TENM4: variants seen among roughly 807,000 people sequenced by gnomAD.
The protein encoded by TENM4 is teneurin transmembrane protein 4.
TENM4 carries 82 observed loss-of-function variants against 243.3 expected under a neutral mutation model. That is an observed-to-expected ratio of 0.34 (90% CI 0.28 to 0.40). TENM4 has a LOEUF of 0.40. Among genes scored for constraint, TENM4 ranks in the 10% least tolerant of loss-of-function variants. TENM4 has a pLI of 1.00. For synonymous variants in TENM4, 1,412 were observed against 1,456.3 expected (o/e 0.97, Z 0.69); for missense variants, 3,138 against 3,673.3 (o/e 0.85, Z 3.77).
intron 33 of TENM4, among the ~76,000 whole-genome samples, chr11:78,660,766 T>C (rs1188673485): frequency 2.6e-5 from 4 of 152,114 alleles, no homozygotes; most frequent in Admixed American, 2.0e-4. Context: ...ATTGGGGTAG[T>C]AGGGAGGGGA....
chr11:78,876,636 C>T (rs1304081310), intron 9 of TENM4, among the ~76,000 whole-genome samples: 3 of 152,210 alleles, frequency 2.0e-5, no homozygotes, highest in East Asian at 3.8e-4. Flanking sequence ...CAGTAATATA[C>T]CTTTATCATC....
intron 4 of TENM4, among the ~76,000 whole-genome samples, chr11:79,136,621 G>A (rs576646631): frequency 2.6e-5 from 4 of 152,264 alleles, no homozygotes; most frequent in East Asian, 1.9e-4. Context: ...CATGGAAAAG[G>A]CAGAGGTTTG....
At chr11:78,973,723 T>C (rs1276319028) in intron 6 of TENM4, among the ~76,000 whole-genome samples, 1 of 151,764 alleles carries the variant, frequency 6.6e-6, no homozygotes, top group East Asian at 2.0e-4. Context: ...GTATGATAAA[T>C]ATTAGGCTGG....
chr11:79,357,393 G>C (rs541735840), intron 1 of TENM4, among the ~76,000 whole-genome samples: 2 of 152,336 alleles, frequency 1.3e-5, no homozygotes, highest in African/African-American at 4.8e-5. Context: ...AGAGCATTCT[G>C]TTTGTAAAAC....
At chr11:78,746,773 T>C (rs923355981) in intron 19 of TENM4, among the ~76,000 whole-genome samples, 2 of 152,208 alleles carry the variant, frequency 1.3e-5, no homozygotes, top group African/African-American at 4.8e-5. Flanking sequence ...CATGTTCAGA[T>C]AGGCTGTTTT....
intron 6 of TENM4, among the ~76,000 whole-genome samples, chr11:79,025,059 C>T (rs182541670): frequency 5.5e-4 from 83 of 152,252 alleles, no homozygotes; most frequent in Admixed American, 4.2e-3. Flanking sequence ...CTTTGGGAAC[C>T]CCTGGAGGAT....
intron 4 of TENM4, among the ~76,000 whole-genome samples, chr11:79,136,725 G>T (rs111596394): frequency 1.5e-3 from 232 of 152,268 alleles, no homozygotes; most frequent in Middle Eastern, 6.8e-3. Context: ...CTCACAGAAT[G>T]CCTTATCCAC....
chr11:78,700,235 G>A (rs1200330799), intron 28 of TENM4, among the ~76,000 whole-genome samples: 2 of 152,206 alleles, frequency 1.3e-5, no homozygotes, highest in Non-Finnish European at 2.9e-5. Flanking sequence ...GCGGGGGTAG[G>A]ATGCAGGGAG....
chr11:78,975,617 C>CATAT (rs751405946), intron 6 of TENM4, among the ~76,000 whole-genome samples: 4 of 64,914 alleles, frequency 6.2e-5, no homozygotes, highest in Non-Finnish European at 1.1e-4. Context: ...CACACACACA[C>CATAT]ATATATATAT....
intron 28 of TENM4, among the ~76,000 whole-genome samples, chr11:78,696,746 C>A (rs1247716277): frequency 6.6e-6 from 1 of 152,180 alleles, no homozygotes; most frequent in Admixed American, 6.5e-5. Flanking sequence ...CATGTTCCTG[C>A]CGTTCTCTAA....
intron 3 of TENM4, among the ~76,000 whole-genome samples, chr11:79,202,439 G>A (rs1863758573): frequency 1.3e-5 from 2 of 152,178 alleles, no homozygotes; most frequent in African/African-American, 4.8e-5. Context: ...TGCAAAAATG[G>A]TGGCATGAAA....
chr11:79,162,466 ATTAT>A (rs148237396), intron 3 of TENM4, among the ~76,000 whole-genome samples: 22 of 151,082 alleles, frequency 1.5e-4, no homozygotes, highest in East Asian at 3.9e-4. Flanking sequence ...ATTTGCTGTT[ATTAT>A]TTATTTATTT....
chr11:78,765,333 A>G (rs927011281), intron 18 of TENM4, among the ~76,000 whole-genome samples: 1 of 152,218 alleles, frequency 6.6e-6, no homozygotes, highest in African/African-American at 2.4e-5. Context: ...GTCTCTTATC[A>G]TGAGAAATGT....
At chr11:79,052,905 T>C (rs553671667) in intron 6 of TENM4, among the ~76,000 whole-genome samples, 3 of 152,354 alleles carry the variant, frequency 2.0e-5, no homozygotes, top group Admixed American at 1.3e-4. Context: ...AGAGACCAGA[T>C]ATGTCTCCTT....
intron 4 of TENM4, among the ~76,000 whole-genome samples, chr11:79,094,694 C>T (rs1013776449): frequency 2.0e-5 from 3 of 152,190 alleles, no homozygotes; most frequent in African/African-American, 7.2e-5. Context: ...TTTCCTGGGC[C>T]TCCTCTCCCA....
chr11:78,700,944 T>A (rs1243664644), intron 28 of TENM4, among the ~76,000 whole-genome samples: 1 of 152,206 alleles, frequency 6.6e-6, no homozygotes, highest in Non-Finnish European at 1.5e-5. Flanking sequence ...TGTTCCTTAT[T>A]AATGACCCTG....
chr11:79,015,123 C>G (rs1023932177), intron 6 of TENM4, among the ~76,000 whole-genome samples: 2 of 152,200 alleles, frequency 1.3e-5, no homozygotes, highest in East Asian at 3.9e-4. Flanking sequence ...AGTAATGATG[C>G]TAGTGATCAC....
At chr11:78,758,810 A>C (rs1856368768) in intron 18 of TENM4, among the ~76,000 whole-genome samples, 1 of 152,212 alleles carries the variant, frequency 6.6e-6, no homozygotes, top group African/African-American at 2.4e-5. Context: ...TATGGATTCC[A>C]GAGATAGACT....
rs376331973 is a variant in TENM4, at chr11:78,901,027, T to C, written c.749+2241A>G. Among the ~76,000 whole-genome samples, 236 of 152,158 alleles carry C rather than the reference T, an allele frequency of 1.6e-3. 1 individual carries two copies. The highest frequency in any genetic ancestry group is 5.5e-3 in the African/African-American group (228 of 41,506). ...TTTCAACCGGGGCTTCAAGAATAAG[T>C]AGGACTGGATAGACCACGAAGTGAG... On this transcript the variant is annotated intron_variant, in intron 7 of 33. Transcript: ENST00000278550.
Sources: allele counts gnomAD v4.1 joint callset (sites outside exome capture counted in the v4.1 genomes callset), GRCh38; gene constraint gnomAD v4.1.1; transcripts MANE v1.5; gene names NCBI Gene and HGNC (gene_info 2026-07-23, HGNC 2026-07-21).